WNT2: variants seen among roughly 807,000 people sequenced by gnomAD.
WNT2 encodes the protein protein Wnt-2.
A neutral mutation model predicts 36.9 loss-of-function variants in WNT2; 12 were observed. The observed-to-expected ratio is 0.33, with a 90% CI of 0.21 to 0.53. The LOEUF (loss-of-function observed/expected upper bound fraction) is 0.53. Ranked by LOEUF, WNT2 falls within the 20% of genes least tolerant of loss-of-function variation. The pLI is 0.95. For missense variants in WNT2, 379 were observed against 473.1 expected, an observed-to-expected ratio of 0.80 and a Z score of 1.84; for synonymous variants, 163 against 174.6, an observed-to-expected ratio of 0.93 and a Z score of 0.52.
chr7:117,320,581 C>T lies in WNT2; in HGVS notation c.296G>A (p.Arg99Lys). The T allele has an allele frequency of 6.2e-7, 1 of 1,613,460 alleles. No individual in the cohort carries two copies. Among genetic ancestry groups the T allele is most frequent in the Non-Finnish European group, 8.5e-7 (1 of 1,179,798 alleles). Residue 99 changes from arginine (R) to lysine (K), a missense_variant, in exon 2 of 5, where the codon AGG becomes AAG. Physicochemically the swap from Arg to Lys is conservative, Grantham distance 26 (BLOSUM62 2). Coordinates refer to ENST00000265441, the MANE Select transcript of WNT2 (RefSeq NM_003391.3). Reference protein sequence around the residue: ...TLDRDHSLFGRVLLRSSRESA... With the variant: ...TLDRDHSLFGKVLLRSSRESA... ...AGGAGACTTACTTCGGAGTAGGACC[C>T]TGCCAAAAAGGCTGTGATCCCTGTC...
intron 3 of WNT2, among the ~76,000 whole-genome samples, chr7:117,298,685 G>C (rs1422745342): frequency 2.0e-5 from 3 of 152,182 alleles, no homozygotes; most frequent in South Asian, 2.1e-4. Context: ...TTCCAGGGAA[G>C]CTTCTGCTTT....
At chr7:117,282,628 C>T (rs1478164611) in intron 4 of WNT2, among the ~76,000 whole-genome samples, 3 of 152,142 alleles carry the variant, frequency 2.0e-5, no homozygotes, top group South Asian at 2.1e-4. Flanking sequence ...GGGAGAGTGT[C>T]AGGAGATGAG....
chr7:117,288,581 G>A (rs982487911), intron 4 of WNT2, among the ~76,000 whole-genome samples: 3 of 152,126 alleles, frequency 2.0e-5, no homozygotes, highest in African/African-American at 4.8e-5. Flanking sequence ...TTGGTAATTC[G>A]AAATGAGTAG....
At chr7:117,285,575 A>G (rs546466516) in intron 4 of WNT2, among the ~76,000 whole-genome samples, 75 of 152,344 alleles carry the variant, frequency 4.9e-4, no homozygotes, top group African/African-American at 1.7e-3. Flanking sequence ...ACTACACTGT[A>G]TCTACAAAAC....
At chr7:117,289,883 A>C (rs912929415) in intron 4 of WNT2, among the ~76,000 whole-genome samples, 13 of 152,286 alleles carry the variant, frequency 8.5e-5, no homozygotes, top group Admixed American at 4.6e-4. Context: ...GGTCCTTGAC[A>C]CATTTAAGAG....
chr7:117,319,174 C>A (rs1795274680), intron 2 of WNT2, among the ~76,000 whole-genome samples: 1 of 152,158 alleles, frequency 6.6e-6, no homozygotes, highest in African/African-American at 2.4e-5. Context: ...TTAACAAGGT[C>A]CAGTTTCTTT....
chr7:117,298,360 C>T (rs1794834641), intron 3 of WNT2, among the ~76,000 whole-genome samples: 1 of 152,160 alleles, frequency 6.6e-6, no homozygotes, highest in South Asian at 2.1e-4. Context: ...TGTACTATAG[C>T]AATTCTATGC....
chr7:117,312,980 A>G (rs914518624), intron 3 of WNT2, among the ~76,000 whole-genome samples: 2 of 152,222 alleles, frequency 1.3e-5, no homozygotes, highest in Admixed American at 1.3e-4. Flanking sequence ...GTAGATGTTC[A>G]TATTGGCCAA....
intron 2 of WNT2, among the ~76,000 whole-genome samples, chr7:117,318,750 G>GGGC (rs1795267171): frequency 2.0e-5 from 3 of 152,190 alleles, no homozygotes; most frequent in Non-Finnish European, 2.9e-5. Flanking sequence ...GGCCTCAAGT[G>GGGC]ATCTGCCCAC....
chr7:117,303,095 G>C (rs964316384), intron 3 of WNT2, among the ~76,000 whole-genome samples: 1 of 152,168 alleles, frequency 6.6e-6, no homozygotes, highest in Non-Finnish European at 1.5e-5. Context: ...TTAGAACCTA[G>C]GGTGGACGTG....
intron 3 of WNT2, among the ~76,000 whole-genome samples, chr7:117,307,985 T>C (rs913680944): frequency 1.3e-5 from 2 of 152,250 alleles, no homozygotes; most frequent in Non-Finnish European, 2.9e-5. Context: ...AAGTCACTAA[T>C]ATATTTCTGG....
At chr7:117,312,265 A>G (rs544634561) in intron 3 of WNT2, among the ~76,000 whole-genome samples, 93 of 152,238 alleles carry the variant, frequency 6.1e-4, no homozygotes, top group African/African-American at 2.2e-3. Flanking sequence ...CCTGGCTCAC[A>G]TGATCCTCCC....
intron 4 of WNT2, among the ~76,000 whole-genome samples, chr7:117,288,473 A>G (rs1439880457): frequency 6.6e-6 from 1 of 152,238 alleles, no homozygotes; most frequent in Non-Finnish European, 1.5e-5. Flanking sequence ...GATATTTACC[A>G]GTACAAAATA....
In WNT2 at chr7:117,277,215, T is replaced by C. The variant is rs2116316939; in HGVS notation, c.*940A>G. The stretch of plus-strand genomic sequence containing the variant: ...TCTTTCAGTTATGAGATTCCATGGG[T>C]CACATGCATAATATGAGATAGGAAT... On this transcript the variant is annotated 3_prime_UTR_variant, in exon 5 of 5. Transcript: ENST00000265441. 1 of 152,340 alleles carries C rather than the reference T, an allele frequency of 6.6e-6. No individual in the cohort carries two copies. The highest frequency in any genetic ancestry group is 6.5e-5 in the Admixed American group (1 of 15,300). The allele number at this position is 152,340 out of a possible 1,614,324, so 9.4% of individuals were successfully genotyped here.
intron 2 of WNT2, among the ~76,000 whole-genome samples, chr7:117,320,246 T>A (rs2116394472): frequency 6.6e-6 from 1 of 152,328 alleles, no homozygotes; most frequent in Non-Finnish European, 1.5e-5. Context: ...CAAAAGAGAC[T>A]TGTGGCTCCT....
At chr7:117,312,365 G>A (rs1795138782) in intron 3 of WNT2, among the ~76,000 whole-genome samples, 1 of 152,046 alleles carries the variant, frequency 6.6e-6, no homozygotes, top group South Asian at 2.1e-4. Context: ...ATATTTTTCT[G>A]TAGAGACAGG....
rs544713377 is a variant in WNT2 at position 117,279,491 on chromosome 7, A to G, written c.854-1107T>C. ...TGTGATTTTGACACAGATGATCACT[A>G]TTGCCACTTAGTTGCTGTTGGCAGC... On this transcript the variant is annotated intron_variant, in intron 4 of 4. Transcript: ENST00000265441. 5.9e-5 allele frequency among the ~76,000 whole-genome samples: 9 copies of G among 152,272 alleles called. No individual in the cohort carries two copies. The South Asian group carries it at 1.7e-3, about 28-fold the overall frequency.
chr7:117,309,556 C>G (rs774900173), intron 3 of WNT2, among the ~76,000 whole-genome samples: 4 of 152,224 alleles, frequency 2.6e-5, no homozygotes, highest in Non-Finnish European at 5.9e-5. Flanking sequence ...AAACCTCAGT[C>G]TCCTCATATG....
intron 3 of WNT2, among the ~76,000 whole-genome samples, chr7:117,302,429 T>C (rs1794926512): frequency 6.6e-6 from 1 of 152,194 alleles, no homozygotes; most frequent in Admixed American, 6.5e-5. Context: ...TGTTTGGTGT[T>C]AGTAACAGTC....
Sources: allele counts gnomAD v4.1 joint callset (sites outside exome capture counted in the v4.1 genomes callset), GRCh38; gene constraint gnomAD v4.1.1; transcripts MANE v1.5; gene names NCBI Gene and HGNC (gene_info 2026-07-23, HGNC 2026-07-21).